The following TRPS1 variants were observed in gnomAD, a reference collection of about 807,000 sequenced individuals.
TRPS1 encodes transcriptional repressor GATA binding 1, also known as zinc finger transcription factor Trps1.
A neutral mutation model predicts 101.2 loss-of-function variants in TRPS1; 6 were observed. That is an observed-to-expected ratio of 0.06 (90% CI 0.03 to 0.12). TRPS1 has a LOEUF of 0.12. Ranked by LOEUF, TRPS1 falls within the 10% of genes least tolerant of loss-of-function variation. TRPS1 has a pLI of 1.00. For missense variants in TRPS1, 1,363 were observed against 1,567.0 expected (o/e 0.87, Z 2.20); for synonymous variants, 578 against 589.8 (o/e 0.98, Z 0.29).
At chr8:115,613,762 T>C (rs1818220837) in intron 3 of TRPS1, among the ~76,000 whole-genome samples, 1 of 152,220 alleles carries the variant, frequency 6.6e-6, no homozygotes, top group Non-Finnish European at 1.5e-5. Context: ...TAAGAACCCT[T>C]AGTAAATTTT....
chr8:115,520,440 A>C (rs928579838), intron 5 of TRPS1, among the ~76,000 whole-genome samples: 1 of 151,862 alleles, frequency 6.6e-6, no homozygotes. Context: ...TGGGAGATGA[A>C]CTAGATGACA....
chr8:115,427,029 T>TG (rs980325877), intron 5 of TRPS1, among the ~76,000 whole-genome samples: 1 of 152,036 alleles, frequency 6.6e-6, no homozygotes, highest in Non-Finnish European at 1.5e-5. Context: ...CCCAGTGCTT[T>TG]GGGAGGTCAA....
Position 115,411,783 on chromosome 8 carries a change from C to CTTTCTCT in TRPS1, c.*2233_*2239dup, listed in dbSNP as rs1024281568. 22 of 152,246 alleles carry CTTTCTCT rather than the reference C, an allele frequency of 1.4e-4. No individual in the cohort carries two copies. Among genetic ancestry groups the CTTTCTCT allele is most frequent in the African/African-American group, 4.3e-4 (18 of 41,540 alleles). 9.4% of individuals were successfully genotyped at this position (152,246 alleles called of 1,614,324 possible). ...ACTTAGTCCTGATTTCTGTCTCTTG[C>CTTTCTCT]TTTCTCTTTTCTCTTTTTTTAATAT... On this transcript the variant is annotated 3_prime_UTR_variant, in exon 7 of 7. Coordinates refer to ENST00000395715, the MANE Select transcript of TRPS1 (RefSeq NM_014112.5).
At chr8:115,442,231 T>C (rs1191135288) in intron 5 of TRPS1, among the ~76,000 whole-genome samples, 1 of 152,184 alleles carries the variant, frequency 6.6e-6, no homozygotes, top group Non-Finnish European at 1.5e-5. Flanking sequence ...GATTCGCTGG[T>C]ATTATAGAAA....
In TRPS1 at chr8:115,418,508, A is replaced by C; in HGVS notation, c.2701-56T>G. The C allele has an allele frequency of 1.1e-5, 18 of 1,613,408 alleles. No individual in the cohort carries two copies. Among genetic ancestry groups the C allele is most frequent in the Non-Finnish European group, 1.4e-5 (17 of 1,179,548 alleles). ...GGTGAGTCACATGATCAGTGGAGTT[A>C]GACCAAATCAACCCAGGAGTTTTGT... On this transcript the variant is annotated intron_variant, in intron 5 of 6. Transcript: ENST00000395715. The surrounding 1 kb of genome is among the most constrained non-coding windows in gnomAD (Gnocchi z 4.3).
rs369962698 is a variant in TRPS1 at position 115,523,080 on chromosome 8, C to T, written c.2700+63921G>A. 5.9e-5 allele frequency among the ~76,000 whole-genome samples: 9 copies of T among 152,062 alleles called. No individual in the cohort carries two copies. In the East Asian group the frequency reaches 1.5e-3, roughly 26 times the overall value. On this transcript the variant is annotated intron_variant, in intron 5 of 6. Transcript: ENST00000395715. ...TGATAAACCTTTTGATTTTGCTTTT[C>T]CAAGATTAGATCCTGAGTTTAGGGG...
chr8:115,476,576 T>C (rs1338880912), intron 5 of TRPS1, among the ~76,000 whole-genome samples: 1 of 152,218 alleles, frequency 6.6e-6, no homozygotes, highest in Admixed American at 6.5e-5. Context: ...TCAGAGCATC[T>C]ATTTTTGAAG....
At chr8:115,571,245 A>G (rs922735646) in intron 5 of TRPS1, among the ~76,000 whole-genome samples, 3 of 152,242 alleles carry the variant, frequency 2.0e-5, no homozygotes. Flanking sequence ...TAAAATGATT[A>G]TAATACATCT....
At chr8:115,445,527 A>G (rs1038159704) in intron 5 of TRPS1, among the ~76,000 whole-genome samples, 4 of 152,196 alleles carry the variant, frequency 2.6e-5, no homozygotes, top group Admixed American at 2.6e-4. Context: ...ACTTGAGGAA[A>G]CAAAAGAGTC....
intron 1 of TRPS1, among the ~76,000 whole-genome samples, chr8:115,660,015 A>G (rs897611317): frequency 1.3e-5 from 2 of 152,000 alleles, no homozygotes; most frequent in African/African-American, 4.8e-5. Flanking sequence ...ATGAAGCCAC[A>G]AATTCATATA....
chr8:115,455,446 T>C (rs771571867), intron 5 of TRPS1, among the ~76,000 whole-genome samples: 3 of 152,166 alleles, frequency 2.0e-5, no homozygotes, highest in Non-Finnish European at 2.9e-5. Context: ...TGTCCAATGT[T>C]TGTATTTAAA....
rs1290660236 is a variant in TRPS1 at position 115,498,411 on chromosome 8, CTCTCTATATATATATA to C, written c.2701-79975_2701-79960del. On this transcript the variant is annotated intron_variant, in intron 5 of 6. Coordinates refer to ENST00000395715, the MANE Select transcript of TRPS1 (RefSeq NM_014112.5). ...TCTCTCTCTCTCTCTCTCTCTCTCT[CTCTCTATATATATATA>C]TATATATATATATATATATATATAG... is the stretch of plus-strand genomic sequence containing the variant. Among the ~76,000 whole-genome samples, 308 of 72,626 alleles carry C rather than the reference CTCTCTATATATATATA, an allele frequency of 4.2e-3. 2 individuals carry two copies. Among genetic ancestry groups the C allele is most frequent in the African/African-American group, 0.025 (285 of 11,366 alleles). The allele number at this position is 72,626 out of a possible 152,430, so 47.6% of individuals were successfully genotyped here.
rs747851006 is a variant in TRPS1, at chr8:115,414,119, A to T, written c.3789T>A (p.His1263Gln). The change falls in exon 7 of 7, where the codon CAT becomes CAA. Residue 1263 changes from histidine (H) to glutamine (Q), a missense_variant. By Grantham distance (24) the His-to-Gln change is conservative (BLOSUM62 0). Coordinates refer to ENST00000395715, the MANE Select transcript of TRPS1 (RefSeq NM_014112.5). This position sits in a 1 kb window ranked among gnomAD's most constrained non-coding sequence, Gnocchi z 4.8. ...TGAAGTCATATTTGTCCGTGCAAAGATGCTGGCATATGCTGCACTGGAAAG... is the reference window on the plus strand; with the variant it reads ...TGAAGTCATATTTGTCCGTGCAAAGTTGCTGGCATATGCTGCACTGGAAAG... ...SGPFQCSICQ[H>Q]LCTDKYDFTT... 1 of 1,613,982 alleles carries T rather than the reference A, an allele frequency of 6.2e-7. No individual in the cohort carries two copies. The highest frequency in any genetic ancestry group is 8.5e-7 in the Non-Finnish European group (1 of 1,179,920).
At chr8:115,548,208 T>C (rs144353572) in intron 5 of TRPS1, among the ~76,000 whole-genome samples, 2,608 of 152,242 alleles carry the variant, frequency 0.017, 68 homozygotes, top group African/African-American at 0.058. Flanking sequence ...TATTCCAGCC[T>C]GGGTGACACA....
At chr8:115,663,253 T>TC (rs1811847640) in intron 1 of TRPS1, among the ~76,000 whole-genome samples, 1 of 151,902 alleles carries the variant, frequency 6.6e-6, no homozygotes, top group Admixed American at 6.6e-5. Context: ...CTTGAACTTT[T>TC]TTTTTTTTTT....
At chr8:115,464,208 A>C (rs1814261946) in intron 5 of TRPS1, among the ~76,000 whole-genome samples, 1 of 152,122 alleles carries the variant, frequency 6.6e-6, no homozygotes, top group South Asian at 2.1e-4. Context: ...CTTTTAAGTA[A>C]ATTTCTTGCT....
At position 115,414,481 on chromosome 8, in the gene TRPS1, G is replaced by C; in HGVS notation, c.3427C>G (p.His1143Asp). The C allele has an allele frequency of 6.2e-7, 1 of 1,613,908 alleles. No individual in the cohort carries two copies. The highest frequency in any genetic ancestry group is 8.5e-7 in the Non-Finnish European group (1 of 1,179,932). Residue 1143 changes from histidine to aspartate, a missense_variant, in exon 7 of 7, where the codon CAC (histidine) becomes GAC (aspartate). Coordinates refer to ENST00000395715, the MANE Select transcript of TRPS1 (RefSeq NM_014112.5). This position sits in a 1 kb window ranked among gnomAD's most constrained non-coding sequence, Gnocchi z 4.8. ...SVPGNPHYLS[H>D]VPGLPNPCQN... ...CAAGGATTTGGTAGGCCAGGCACGT[G>C]ACTCAAGTAGTGCGGATTCCCAGGA...
At chr8:115,580,234 G>GAAAA (rs10642817) in intron 5 of TRPS1, among the ~76,000 whole-genome samples, 329 of 133,092 alleles carry the variant, frequency 2.5e-3, no homozygotes, top group African/African-American at 8.7e-3. Context: ...AGGGAGAGAA[G>GAAAA]AAAAAAAAAA....
chr8:115,523,729 TAAC>T (rs992520994), intron 5 of TRPS1, among the ~76,000 whole-genome samples: 1 of 152,100 alleles, frequency 6.6e-6, no homozygotes, highest in African/African-American at 2.4e-5. Context: ...AGCATGATGA[TAAC>T]AATATCCGTT....
Sources: gnomAD v4.1 joint callset for allele counts (sites outside exome capture counted in the v4.1 genomes callset) on GRCh38, gnomAD v4.1.1 for gene constraint, Gnocchi (gnomAD v3.1) non-coding constraint, MANE v1.5 for transcripts, NCBI Gene and HGNC (gene_info 2026-07-23, HGNC 2026-07-21) for gene names.